Variants in NCKAP5 observed in about 807,000 individuals in gnomAD.
NCKAP5 encodes the protein NCK associated protein 5, also known as nck-associated protein 5.
A neutral mutation model predicts 167.0 loss-of-function variants in NCKAP5; 92 were observed. The observed-to-expected ratio is 0.55, with a 90% CI of 0.47 to 0.66. The LOEUF (loss-of-function observed/expected upper bound fraction) is 0.66. NCKAP5 is among the 30% of genes least tolerant of loss of function. NCKAP5 has a pLI of 0.00. For synonymous variants in NCKAP5, 891 were observed against 877.4 expected (o/e 1.02, Z -0.27); for missense variants, 2,378 against 2,315.0 (o/e 1.03, Z -0.56).
chr2:133,628,524 C>A, the NCKAP5 span, among the ~76,000 whole-genome samples: 1 of 152,134 alleles, frequency 6.6e-6, no homozygotes, highest in Non-Finnish European at 1.5e-5. Context: ...ACATTCCATG[C>A]TCATGGAAAG....
chr2:132,952,878 T>G (rs1487756845), intron 8 of NCKAP5, among the ~76,000 whole-genome samples: 1 of 152,196 alleles, frequency 6.6e-6, no homozygotes, highest in Admixed American at 6.5e-5. Context: ...CCACTTGGCG[T>G]GTTTGTTTGG....
chr2:133,171,825 C>G (rs528779523), intron 5 of NCKAP5, among the ~76,000 whole-genome samples: 1 of 152,172 alleles, frequency 6.6e-6, no homozygotes, highest in Admixed American at 6.5e-5. Flanking sequence ...AAGAAATGGA[C>G]TTTAGAGGGC....
intron 4 of NCKAP5, among the ~76,000 whole-genome samples, chr2:133,281,606 C>A (rs2089938656): frequency 6.6e-6 from 1 of 152,086 alleles, no homozygotes; most frequent in African/African-American, 2.4e-5. Context: ...AATGTTAGCA[C>A]CATCACAAGT....
chr2:133,326,488 AG>A lies in NCKAP5; in HGVS notation c.70-23379del, dbSNP rs1464563455. Among the ~76,000 whole-genome samples, 6 of 151,702 alleles carry A rather than the reference AG, an allele frequency of 4.0e-5. No homozygotes were observed. In the East Asian group the frequency reaches 7.7e-4, roughly 20 times the overall value. On this transcript the variant is annotated intron_variant, in intron 3 of 19. Coordinates refer to ENST00000409261, the MANE Select transcript of NCKAP5 (RefSeq NM_207363.3). ...AAAAAAAAAAAAAAAAAAGAGAAAA[AG>A]AAAGACAACAAAGCTGGTCACAGAG...
intron 8 of NCKAP5, among the ~76,000 whole-genome samples, chr2:132,935,614 G>A (rs1696781596): frequency 6.6e-6 from 1 of 152,144 alleles, no homozygotes; most frequent in South Asian, 2.1e-4. Context: ...GGAAGGTGAA[G>A]CTGACAGTAG....
chr2:133,534,054 G>A (rs764224144), intron 2 of NCKAP5, among the ~76,000 whole-genome samples: 16 of 152,064 alleles, frequency 1.1e-4, no homozygotes, highest in Admixed American at 2.6e-4. Context: ...ACATCTATAC[G>A]TCACATTTTG....
chr2:132,717,620 G>A (rs571522027), intron 19 of NCKAP5, among the ~76,000 whole-genome samples: 5 of 152,152 alleles, frequency 3.3e-5, no homozygotes, highest in Non-Finnish European at 7.4e-5. Context: ...AATTAACCAG[G>A]AACTAGAGCT....
intron 3 of NCKAP5, among the ~76,000 whole-genome samples, chr2:133,476,767 A>G (rs1225468218): frequency 1.3e-5 from 2 of 152,214 alleles, no homozygotes; most frequent in African/African-American, 4.8e-5. Flanking sequence ...CTTATAGCAC[A>G]TTGATTTTTA....
intron 11 of NCKAP5, among the ~76,000 whole-genome samples, chr2:132,813,174 C>G (rs1322267784): frequency 1.3e-5 from 2 of 152,210 alleles, no homozygotes; most frequent in African/African-American, 4.8e-5. Context: ...ACCACAGAGG[C>G]AAGTTCAAGA....
intron 3 of NCKAP5, among the ~76,000 whole-genome samples, chr2:133,432,413 G>A (rs991362871): frequency 3.9e-5 from 6 of 152,086 alleles, no homozygotes; most frequent in Admixed American, 6.6e-5. Flanking sequence ...CTGGTAGCAC[G>A]GATCACTGAA....
At chr2:132,833,800 C>T (rs1039800526) in intron 11 of NCKAP5, among the ~76,000 whole-genome samples, 1 of 152,118 alleles carries the variant, frequency 6.6e-6, no homozygotes, top group African/African-American at 2.4e-5. Context: ...TGTGATGCTT[C>T]CAGCTTTGTT....
chr2:133,073,927 A>G (rs903140101), intron 6 of NCKAP5, among the ~76,000 whole-genome samples: 1 of 152,212 alleles, frequency 6.6e-6, no homozygotes, highest in Non-Finnish European at 1.5e-5. Flanking sequence ...TACTGAGGCA[A>G]ATGGCTGCAA....
intron 11 of NCKAP5, among the ~76,000 whole-genome samples, chr2:132,846,246 T>G (rs16842358): frequency 0.069 from 10,508 of 152,192 alleles, 718 homozygotes; most frequent in African/African-American, 0.16. Flanking sequence ...TATAATGAAT[T>G]TAGAGGTAAA....
chr2:133,346,347 G>T (rs1464560190), intron 3 of NCKAP5, among the ~76,000 whole-genome samples: 3 of 152,194 alleles, frequency 2.0e-5, no homozygotes, highest in African/African-American at 7.2e-5. Flanking sequence ...GAAGAGGAGA[G>T]ATTGATGATG....
chr2:133,619,666 T>C, the NCKAP5 span, among the ~76,000 whole-genome samples: 1 of 152,028 alleles, frequency 6.6e-6, no homozygotes, highest in Non-Finnish European at 1.5e-5. Context: ...ATCTAAAAAT[T>C]TGAAAAACAT....
intron 8 of NCKAP5, among the ~76,000 whole-genome samples, chr2:132,939,229 T>C (rs1179286187): frequency 6.6e-6 from 1 of 152,212 alleles, no homozygotes; most frequent in East Asian, 1.9e-4. Context: ...CTTGACATTA[T>C]AAATTAGGAA....
At chr2:132,786,039 G>A (rs1239413428) in intron 13 of NCKAP5, among the ~76,000 whole-genome samples, 1 of 152,230 alleles carries the variant, frequency 6.6e-6, no homozygotes, top group Non-Finnish European at 1.5e-5. Context: ...TGCAAATGTT[G>A]TAAGTACTCT....
chr2:132,863,227 G>C (rs993934163), intron 10 of NCKAP5, among the ~76,000 whole-genome samples: 1 of 152,056 alleles, frequency 6.6e-6, no homozygotes, highest in Non-Finnish European at 1.5e-5. Flanking sequence ...ATTGTTTTTA[G>C]TACTGCTAAT....
chr2:132,812,693 GA>G (rs1339070868), intron 11 of NCKAP5, among the ~76,000 whole-genome samples: 1 of 152,236 alleles, frequency 6.6e-6, no homozygotes. Context: ...TTACTCAGGA[GA>G]GGGGGGCTGT....
Sources: gnomAD v4.1 joint callset for allele counts (sites outside exome capture counted in the v4.1 genomes callset) on GRCh38, gnomAD v4.1.1 for gene constraint, MANE v1.5 for transcripts, NCBI Gene and HGNC (gene_info 2026-07-23, HGNC 2026-07-21) for gene names.